ZNF696: variants seen among roughly 807,000 people sequenced by gnomAD.
ZNF696 encodes the protein zinc finger protein 696.
Under a neutral mutation model 12.3 loss-of-function variants are expected in ZNF696, and 10 were observed. The observed-to-expected ratio is 0.81, with a 90% CI of 0.50 to 1.38. ZNF696 has a LOEUF of 1.38. Among genes scored for constraint, ZNF696 ranks in the 40% most tolerant of loss-of-function variants. ZNF696 has a pLI of 0.00. For synonymous variants in ZNF696, 304 were observed against 243.9 expected, an observed-to-expected ratio of 1.25 and a Z score of -2.29; for missense variants, 675 against 554.7, an observed-to-expected ratio of 1.22 and a Z score of -2.18.
At chr8:143,295,502 C>T (rs1183320188) in intron 2 of ZNF696, 6 of 693,032 alleles carry the variant, frequency 8.7e-6, no homozygotes, top group African/African-American at 7.0e-5. Context: ...CCCACAGCCC[C>T]GTTTCTGGAG....
chr8:143,291,800 A>G (rs997492668), intron 1 of ZNF696, 33 bp downstream of exon 1: 15 of 985,180 alleles, frequency 1.5e-5, no homozygotes, highest in African/African-American at 1.2e-4. Context: ...CTTCCAGACT[A>G]AAAAATTGCA....
chr8:143,291,985 G>A (rs530216085), intron 1 of ZNF696, among the ~76,000 whole-genome samples: 1 of 152,006 alleles, frequency 6.6e-6, no homozygotes, highest in East Asian at 1.9e-4. Flanking sequence ...TTAAGACAGG[G>A]TCTCACTCCA....
At position 143,296,722 on chromosome 8, in the gene ZNF696, C is replaced by T. The variant is rs928798681; in HGVS notation, c.1047C>T (p.Phe349=). 1.0e-5 allele frequency: 16 copies of T among 1,539,532 alleles called. No homozygotes were observed. The highest frequency in any genetic ancestry group is 1.7e-4 in the Middle Eastern group (1 of 5,922). The change falls in exon 3 of 3, where the codon TTC becomes TTT. Residue 349 remains phenylalanine, a synonymous_variant. Coordinates refer to ENST00000330143, the MANE Select transcript of ZNF696 (RefSeq NM_030895.3). ...HQRLHTGEKP[F]RCTECGRAFR... ...GACTCCACACGGGCGAGAAGCCGTT[C>T]CGCTGCACCGAGTGCGGCCGCGCCT... is the stretch of plus-strand genomic sequence containing the variant.
rs780616301 is a variant in ZNF696 at position 143,296,052 on chromosome 8, C to T, written c.377C>T (p.Pro126Leu). ...GGGSWKGRPF[P>L]CGACGRSFKC... is the part of the protein sequence containing the mutation. ...GGCAGCTGGAAGGGGCGGCCTTTCCCGTGCGGCGCCTGTGGCCGCAGCTTC... is the reference window on the plus strand; with the variant it reads ...GGCAGCTGGAAGGGGCGGCCTTTCCTGTGCGGCGCCTGTGGCCGCAGCTTC... Residue 126 changes from proline to leucine, a missense_variant, in exon 3 of 3, where the codon CCG becomes CTG. Physicochemically the swap from Pro to Leu is moderately conservative, Grantham distance 98. Transcript: ENST00000330143. The T allele has an allele frequency of 2.5e-6, 4 of 1,591,396 alleles. No individual in the cohort carries two copies. The highest frequency in any genetic ancestry group is 2.2e-5 in the South Asian group (2 of 88,948).
Position 143,291,462 on chromosome 8 carries a change from C to G in ZNF696, c.-336C>G. ...GCTCTGGACGCTGAGGCCCCGGCTT[C>G]TCTTGCTGGGGTGTCGATTCGGGAG... On this transcript the variant is annotated 5_prime_UTR_variant, in exon 1 of 3. Coordinates refer to ENST00000330143, the MANE Select transcript of ZNF696 (RefSeq NM_030895.3). 2.0e-6 allele frequency: 2 copies of G among 985,478 alleles called. No individual in the cohort carries two copies. The highest frequency in any genetic ancestry group is 2.4e-6 in the Non-Finnish European group (2 of 829,934). 61.0% of individuals were successfully genotyped at this position (985,478 alleles called of 1,614,324 possible).
chr8:143,297,733 G>C lies in ZNF696; in HGVS notation c.*933G>C, dbSNP rs1428284023. The C allele has an allele frequency of 4.6e-5, 7 of 152,196 alleles. No individual in the cohort carries two copies. Among genetic ancestry groups the C allele is most frequent in the African/African-American group, 7.2e-5 (3 of 41,454 alleles). The allele number at this position is 152,196 out of a possible 1,614,324, so 9.4% of individuals were successfully genotyped here. Reference sequence around the variant, plus strand: ...TGGCATCTGAAGTCGGGGTGGTCTTGTGGGACTGACCCCTTACCCTGTGGG... The same window carrying C: ...TGGCATCTGAAGTCGGGGTGGTCTTCTGGGACTGACCCCTTACCCTGTGGG... On this transcript the variant is annotated 3_prime_UTR_variant, in exon 3 of 3. Transcript: ENST00000330143.
intron 2 of ZNF696, among the ~76,000 whole-genome samples, chr8:143,294,270 A>G (rs531515514): frequency 6.6e-6 from 1 of 152,358 alleles, no homozygotes; most frequent in South Asian, 2.1e-4. Context: ...ACTGCCAGAC[A>G]AGGGCCATTG....
Position 143,299,093 on chromosome 8 carries a change from A to G in ZNF696, c.*2293A>G, listed in dbSNP as rs1300441292. ...AGAATCCCTTGAACCTGGGAGGCAG[A>G]AGATGCAGTGAGCCGAGATCACGCC... is the stretch of plus-strand genomic sequence containing the variant. On this transcript the variant is annotated 3_prime_UTR_variant, in exon 3 of 3. Transcript: ENST00000330143. Among the ~76,000 whole-genome samples the G allele has an allele frequency of 6.6e-6, 1 of 152,232 alleles. No homozygotes were observed. The highest frequency in any genetic ancestry group is 2.4e-5 in the African/African-American group (1 of 41,462).
chr8:143,293,007 G>T lies in ZNF696; in HGVS notation c.6G>T (p.Glu2Asp). Reference sequence around the variant, plus strand: ...AACTGCTGGTGTTCTGCAAGATGGAGCCAGGAGGAGAGCCCACAGGTGCTA... The same window carrying T: ...AACTGCTGGTGTTCTGCAAGATGGATCCAGGAGGAGAGCCCACAGGTGCTA... M[E>D]PGGEPTGAKE... Residue 2 changes from glutamate (E) to aspartate (D), a missense_variant, in exon 2 of 3, where the codon GAG becomes GAT. Physicochemically the swap from Glu to Asp is conservative, Grantham distance 45. Coordinates refer to ENST00000330143, the MANE Select transcript of ZNF696 (RefSeq NM_030895.3). 6.2e-7 allele frequency: 1 copy of T among 1,613,942 alleles called. No individual in the cohort carries two copies. The highest frequency in any genetic ancestry group is 8.5e-7 in the Non-Finnish European group (1 of 1,179,990).
chr8:143,294,789 A>G (rs1815680162), intron 2 of ZNF696, among the ~76,000 whole-genome samples: 1 of 152,006 alleles, frequency 6.6e-6, no homozygotes, highest in South Asian at 2.1e-4. Context: ...CCAAGGTAAA[A>G]GGAATGAGCT....
Position 143,295,850 on chromosome 8 carries a change from G to C in ZNF696, c.175G>C (p.Gly59Arg). 1 of 1,580,824 alleles carries C rather than the reference G, an allele frequency of 6.3e-7. No homozygotes were observed. The change falls in exon 3 of 3, where the codon GGC (glycine) becomes CGC (arginine). Residue 59 changes from glycine (G) to arginine (R), a missense_variant. By Grantham distance (125) the Gly-to-Arg change is moderately radical. Transcript: ENST00000330143. Reference protein sequence around the residue: ...AAEAGAPEGEGHRGGPPRALG... With the variant: ...AAEAGAPEGERHRGGPPRALG... ...AGAGGCAGGCGCTCCCGAGGGAGAG[G>C]GCCACAGAGGGGGGCCTCCCCGGGC...
Position 143,296,835 on chromosome 8 carries a change from G to A in ZNF696, c.*35G>A, listed in dbSNP as rs373807085. 4.0e-5 allele frequency: 55 copies of A among 1,374,564 alleles called. No individual in the cohort carries two copies. Among genetic ancestry groups the A allele is most frequent in the Non-Finnish European group, 5.0e-5 (53 of 1,070,656 alleles). 85.1% of individuals were successfully genotyped at this position (1,374,564 alleles called of 1,614,324 possible). A position where few individuals can be genotyped will look rare whatever the true frequency, so the allele number is the denominator to read the frequency against. The stretch of plus-strand genomic sequence containing the variant: ...GCGGCGGAAGAGATGCCGGCGGCCT[G>A]GTGGGCGCGAGGCCGAGGCCGGGGG... On this transcript the variant is annotated 3_prime_UTR_variant, in exon 3 of 3. Transcript: ENST00000330143.
intron 2 of ZNF696, among the ~76,000 whole-genome samples, chr8:143,293,577 G>A (rs573188629): frequency 8.5e-5 from 13 of 152,268 alleles, no homozygotes; most frequent in South Asian, 4.1e-4. Context: ...GCAACAGCCC[G>A]GGAGATGGCG....
At chr8:143,295,630 C>T (rs1815694825) in intron 2 of ZNF696, 110 bp from the exon 3 acceptor site, 1 of 1,216,582 alleles carries the variant, frequency 8.2e-7, no homozygotes, top group Non-Finnish European at 1.1e-6. Context: ...GTGTCTGTGG[C>T]ACACTGACGT....
intron 2 of ZNF696, among the ~76,000 whole-genome samples, chr8:143,294,924 AC>A (rs1815682667): frequency 6.6e-6 from 1 of 152,020 alleles, no homozygotes; most frequent in Admixed American, 6.5e-5. Context: ...CACTGTCTCT[AC>A]AAAAAATTTT....
In ZNF696 at chr8:143,296,053, G is replaced by A. The variant is rs201628392; in HGVS notation, c.378G>A (p.Pro126=). 20 of 1,592,218 alleles carry A rather than the reference G, an allele frequency of 1.3e-5. No homozygotes were observed. The highest frequency in any genetic ancestry group is 1.6e-5 in the Non-Finnish European group (19 of 1,168,592). The change falls in exon 3 of 3, where the codon CCG becomes CCA. Residue 126 remains proline (P), a synonymous_variant. Coordinates refer to ENST00000330143, the MANE Select transcript of ZNF696 (RefSeq NM_030895.3). ...GGGSWKGRPF[P]CGACGRSFKC... is the part of the protein sequence containing the mutation. The stretch of plus-strand genomic sequence containing the variant: ...GCAGCTGGAAGGGGCGGCCTTTCCC[G>A]TGCGGCGCCTGTGGCCGCAGCTTCA...
In ZNF696 at chr8:143,291,468, C is replaced by T. The variant is rs1440758606; in HGVS notation, c.-330C>T. 6.1e-6 allele frequency: 6 copies of T among 985,530 alleles called. No individual in the cohort carries two copies. The highest frequency in any genetic ancestry group is 1.7e-5 in the African/African-American group (1 of 57,360). 61.0% of individuals were successfully genotyped at this position (985,530 alleles called of 1,614,324 possible). A position where few individuals can be genotyped will look rare whatever the true frequency, so the allele number is the denominator to read the frequency against. On this transcript the variant is annotated 5_prime_UTR_variant, in exon 1 of 3. Coordinates refer to ENST00000330143, the MANE Select transcript of ZNF696 (RefSeq NM_030895.3). ...GACGCTGAGGCCCCGGCTTCTCTTG[C>T]TGGGGTGTCGATTCGGGAGGGCTGA...
chr8:143,296,834 T>C lies in ZNF696; in HGVS notation c.*34T>C, dbSNP rs1815728600. The C allele has an allele frequency of 7.3e-6, 10 of 1,374,212 alleles. No individual in the cohort carries two copies. The highest frequency in any genetic ancestry group is 9.3e-6 in the Non-Finnish European group (10 of 1,070,540). The allele number at this position is 1,374,212 out of a possible 1,614,324, so 85.1% of individuals were successfully genotyped here. On this transcript the variant is annotated 3_prime_UTR_variant, in exon 3 of 3. Coordinates refer to ENST00000330143, the MANE Select transcript of ZNF696 (RefSeq NM_030895.3). Reference sequence around the variant, plus strand: ...TGCGGCGGAAGAGATGCCGGCGGCCTGGTGGGCGCGAGGCCGAGGCCGGGG... The same window carrying C: ...TGCGGCGGAAGAGATGCCGGCGGCCCGGTGGGCGCGAGGCCGAGGCCGGGG...
rs1419895083 is a variant in ZNF696, at chr8:143,299,602, C to A, written c.*2802C>A. On this transcript the variant is annotated 3_prime_UTR_variant, in exon 3 of 3. Coordinates refer to ENST00000330143, the MANE Select transcript of ZNF696 (RefSeq NM_030895.3). ...TTGTGCCGCTGCACTCCAGACTGGA[C>A]AACACAGTGAGAGCCCATAAAATAA... 6.6e-6 allele frequency among the ~76,000 whole-genome samples: 1 copy of A among 152,160 alleles called. No homozygotes were observed.
Sources: allele counts gnomAD v4.1 joint callset (sites outside exome capture counted in the v4.1 genomes callset), GRCh38; gene constraint gnomAD v4.1.1; transcripts MANE v1.5; gene names NCBI Gene and HGNC (gene_info 2026-07-23, HGNC 2026-07-21).